Variants in CYTH3 observed in about 807,000 individuals in gnomAD.
CYTH3 encodes the protein cytohesin 3.
In CYTH3, 23 loss-of-function variants were observed where a neutral mutation model predicts 55.1. That is an observed-to-expected ratio of 0.42 (90% CI 0.30 to 0.59). The LOEUF is 0.59. Among genes scored for constraint, CYTH3 ranks in the 20% least tolerant of loss-of-function variants. CYTH3 has a pLI of 0.20. For missense variants in CYTH3, 413 were observed against 524.8 expected (o/e 0.79, Z 2.08); for synonymous variants, 249 against 194.9 (o/e 1.28, Z -2.31).
intron 4 of CYTH3, among the ~76,000 whole-genome samples, chr7:6,185,224 A>G: frequency 6.6e-6 from 1 of 152,246 alleles, no homozygotes; most frequent in East Asian, 1.9e-4. Context: ...GAAAGTTTTC[A>G]CAGTGGCTAG....
intron 1 of CYTH3, among the ~76,000 whole-genome samples, chr7:6,222,441 C>T (rs1397991002): frequency 6.6e-6 from 1 of 152,104 alleles, no homozygotes; most frequent in African/African-American, 2.4e-5. Context: ...GCAAATGTTA[C>T]TCTCAACTGC....
chr7:6,220,676 A>G (rs1026057260), intron 1 of CYTH3, among the ~76,000 whole-genome samples: 1 of 152,038 alleles, frequency 6.6e-6, no homozygotes, highest in Non-Finnish European at 1.5e-5. Context: ...GCCCTCCGGA[A>G]AACAATTTGG....
At chr7:6,213,687 G>C (rs1432462480) in intron 1 of CYTH3, among the ~76,000 whole-genome samples, 1 of 151,914 alleles carries the variant, frequency 6.6e-6, no homozygotes, top group East Asian at 1.9e-4. Context: ...CACAGCTTTG[G>C]TGCTCTCTTC....
intron 1 of CYTH3, among the ~76,000 whole-genome samples, chr7:6,253,886 G>C (rs780053430): frequency 2.0e-5 from 3 of 146,760 alleles, no homozygotes; most frequent in South Asian, 4.4e-4. Context: ...CCAACTACTC[G>C]GGAGGGTGAG....
intron 1 of CYTH3, among the ~76,000 whole-genome samples, chr7:6,223,233 T>G (rs1380234938): frequency 1.3e-5 from 2 of 151,872 alleles, no homozygotes; most frequent in East Asian, 3.9e-4. Flanking sequence ...GGCCGCCCCA[T>G]CTGGGAACTG....
chr7:6,168,478 G>A (rs376235968), intron 9 of CYTH3, among the ~76,000 whole-genome samples: 1 of 152,038 alleles, frequency 6.6e-6, no homozygotes, highest in African/African-American at 2.4e-5. Flanking sequence ...CAGGGCCCTG[G>A]CTCGCCAGCC....
chr7:6,216,320 G>A (rs954862063), intron 1 of CYTH3, among the ~76,000 whole-genome samples: 2 of 151,938 alleles, frequency 1.3e-5, no homozygotes, highest in Non-Finnish European at 2.9e-5. Flanking sequence ...CTGGTAAAGT[G>A]ACACCCCCAG....
intron 9 of CYTH3, among the ~76,000 whole-genome samples, chr7:6,166,544 A>AGCCC (rs1783015258): frequency 6.6e-6 from 1 of 152,156 alleles, no homozygotes; most frequent in African/African-American, 2.4e-5. Flanking sequence ...GCAGGGGAGT[A>AGCCC]GCCCTCCCTC....
chr7:6,259,252 G>A (rs1219057492), intron 1 of CYTH3, among the ~76,000 whole-genome samples: 4 of 152,164 alleles, frequency 2.6e-5, no homozygotes, highest in Non-Finnish European at 5.9e-5. Context: ...TCATCCAAAT[G>A]CTTTGTTTTA....
At chr7:6,231,577 T>C (rs1779392046) in intron 1 of CYTH3, among the ~76,000 whole-genome samples, 1 of 152,238 alleles carries the variant, frequency 6.6e-6, no homozygotes, top group Non-Finnish European at 1.5e-5. Flanking sequence ...TGGAGAAATG[T>C]ATGTATCAAA....
chr7:6,266,652 AC>A (rs1780500423), intron 1 of CYTH3, among the ~76,000 whole-genome samples: 1 of 152,002 alleles, frequency 6.6e-6, no homozygotes, highest in African/African-American at 2.4e-5. Flanking sequence ...TGTCTGGTCC[AC>A]TACCCCTATA....
chr7:6,228,129 G>A (rs911478350), intron 1 of CYTH3, among the ~76,000 whole-genome samples: 1 of 152,130 alleles, frequency 6.6e-6, no homozygotes, highest in South Asian at 2.1e-4. Flanking sequence ...CAAAAGAATG[G>A]TCAAAGAAAT....
intron 1 of CYTH3, among the ~76,000 whole-genome samples, chr7:6,271,044 T>TGACA (rs1444013252): frequency 6.6e-6 from 1 of 152,168 alleles, no homozygotes; most frequent in Non-Finnish European, 1.5e-5. Context: ...GCCCAAATTG[T>TGACA]GACAGGCAGG....
chr7:6,231,035 C>T (rs1009130499), intron 1 of CYTH3, among the ~76,000 whole-genome samples: 17 of 152,188 alleles, frequency 1.1e-4, no homozygotes, highest in Admixed American at 1.0e-3. Context: ...CCCAGCCACT[C>T]GGCTCCCTGA....
At chr7:6,183,237 G>C (rs1350617485) in intron 4 of CYTH3, among the ~76,000 whole-genome samples, 1 of 152,232 alleles carries the variant, frequency 6.6e-6, no homozygotes, top group Non-Finnish European at 1.5e-5. Flanking sequence ...TGCACTCGGG[G>C]AACTCTGAAG....
chr7:6,240,874 G>A (rs920612366), intron 1 of CYTH3, among the ~76,000 whole-genome samples: 2 of 152,042 alleles, frequency 1.3e-5, no homozygotes, highest in Non-Finnish European at 2.9e-5. Flanking sequence ...CCAGCACTTT[G>A]GAAGGCCAAG....
chr7:6,206,877 C>T (rs1194488066), intron 1 of CYTH3, among the ~76,000 whole-genome samples: 6 of 152,056 alleles, frequency 3.9e-5, no homozygotes, highest in South Asian at 2.1e-4. Flanking sequence ...ATCCCAGCAG[C>T]GTTTTAAGGG....
At position 6,177,936 on chromosome 7, in the gene CYTH3, A is replaced by T. The variant is rs376939662; in HGVS notation, c.255T>A (p.Ile85=). The T allele has an allele frequency of 1.5e-4, 247 of 1,611,692 alleles. No individual in the cohort carries two copies. The highest frequency in any genetic ancestry group is 2.0e-4 in the Non-Finnish European group (230 of 1,177,862). The change falls in exon 5 of 13, where the codon ATT becomes ATA. Residue 85 remains isoleucine (I), a synonymous_variant. Transcript: ENST00000350796. ...KKFNMDPKKG[I]QFLIENDLLQ... is the part of the protein sequence containing the mutation. ...GCAGGTCATTTTCTATTAGAAACTG[A>T]ATTCCCTGAAGAACATTAAAATGGA...
intron 1 of CYTH3, 64 bp downstream of exon 1, chr7:6,272,410 G>GGGGGGGGGGCCCCCCCCC: frequency 8.2e-7 from 1 of 1,216,618 alleles, no homozygotes; most frequent in Non-Finnish European, 1.1e-6. Flanking sequence ...CCGCGCCCTC[G>GGGGGGGGGGCCCCCCCCC]ACCCCCAGCC....
Sources: allele counts gnomAD v4.1 joint callset (sites outside exome capture counted in the v4.1 genomes callset), GRCh38; gene constraint gnomAD v4.1.1; transcripts MANE v1.5; gene names NCBI Gene and HGNC (gene_info 2026-07-23, HGNC 2026-07-21).